The following UBR2 variants were observed in gnomAD, a reference collection of about 807,000 sequenced individuals.
UBR2 encodes E3 ubiquitin-protein ligase UBR2.
Under a neutral mutation model 247.9 loss-of-function variants are expected in UBR2, and 92 were observed. The ratio of observed to expected loss-of-function variants is 0.37; its 90% CI spans 0.31 to 0.44. The LOEUF (loss-of-function observed/expected upper bound fraction) is 0.44, where lower values mean the gene tolerates loss of function less well. UBR2 is among the 20% of genes least tolerant of loss of function. UBR2 has a pLI of 1.00. For synonymous variants in UBR2, 672 were observed against 693.5 expected (o/e 0.97, Z 0.49); for missense variants, 1,613 against 2,112.6 (o/e 0.76, Z 4.64).
At position 42,673,895 on chromosome 6, in the gene UBR2, T is replaced by C. The variant is rs746149302; in HGVS notation, c.4183+8T>C. 3 of 1,597,728 alleles carry C rather than the reference T, an allele frequency of 1.9e-6. No individual in the cohort carries two copies. Among genetic ancestry groups the C allele is most frequent in the Non-Finnish European group, 2.6e-6 (3 of 1,167,256 alleles). ...TTTGTAAACTTTTTGCATGTGAGTA[T>C]TAATACATTTATAACATGTTGTAAT... On this transcript the variant is annotated splice_region_variant and intron_variant, in intron 37 of 46. Coordinates refer to ENST00000372901, the MANE Select transcript of UBR2 (RefSeq NM_001363705.2).
intron 2 of UBR2, among the ~76,000 whole-genome samples, chr6:42,588,766 C>T (rs529768549): frequency 6.6e-6 from 1 of 152,316 alleles, no homozygotes; most frequent in East Asian, 1.9e-4. Context: ...AGTCTGAAAG[C>T]TCCAGCCCTC....
chr6:42,596,298 A>G (rs1792971377), intron 4 of UBR2, among the ~76,000 whole-genome samples: 1 of 151,822 alleles, frequency 6.6e-6, no homozygotes, highest in African/African-American at 2.4e-5. Flanking sequence ...AATCAAAACC[A>G]CAGTGAGATA....
At chr6:42,638,553 G>A (rs1021822475) in intron 15 of UBR2, among the ~76,000 whole-genome samples, 2 of 152,068 alleles carry the variant, frequency 1.3e-5, no homozygotes, top group African/African-American at 4.8e-5. Flanking sequence ...ATCGTAAGAA[G>A]AAATCTCTCT....
chr6:42,622,495 A>G (rs2151944709), intron 11 of UBR2, among the ~76,000 whole-genome samples: 1 of 149,134 alleles, frequency 6.7e-6, no homozygotes, highest in Middle Eastern at 3.5e-3. Flanking sequence ...TCCGCCTCCT[A>G]GGTTAAAGTG....
chr6:42,577,964 G>T (rs1791630873), intron 2 of UBR2, among the ~76,000 whole-genome samples: 2 of 151,764 alleles, frequency 1.3e-5, no homozygotes, highest in African/African-American at 2.4e-5. Flanking sequence ...CATATTTATG[G>T]GGTATATGTA....
intron 11 of UBR2, among the ~76,000 whole-genome samples, chr6:42,631,860 TTATATATATATATA>T (rs59218885): frequency 9.8e-5 from 6 of 61,508 alleles, no homozygotes; most frequent in African/African-American, 2.5e-4. Context: ...TACTCTGATT[TTATATATATATATA>T]TATATATATA....
Position 42,615,983 on chromosome 6 carries a change from C to T in UBR2, c.1094-19C>T, listed in dbSNP as rs748307516. On this transcript the variant is annotated intron_variant, in intron 9 of 46. Coordinates refer to ENST00000372901, the MANE Select transcript of UBR2 (RefSeq NM_001363705.2). ...TGTTGGGCGTGTCCTTATCTTATACCGTGATCTTTTTCTACAAGGTGCTAG... is the reference window on the plus strand; with the variant it reads ...TGTTGGGCGTGTCCTTATCTTATACTGTGATCTTTTTCTACAAGGTGCTAG... 22 of 1,542,468 alleles carry T rather than the reference C, an allele frequency of 1.4e-5. No individual in the cohort carries two copies. The Admixed American group carries it at 2.3e-4, about 16-fold the overall frequency.
intron 16 of UBR2, among the ~76,000 whole-genome samples, chr6:42,641,347 C>T (rs751277968): frequency 3.3e-5 from 5 of 151,962 alleles, no homozygotes; most frequent in Non-Finnish European, 7.4e-5. Flanking sequence ...GCCTGTACTC[C>T]CAGCTACTCG....
At position 42,689,946 on chromosome 6, in the gene UBR2, G is replaced by A. The variant is rs1242073648; in HGVS notation, c.5126+276G>A. On this transcript the variant is annotated intron_variant, in intron 46 of 46. Transcript: ENST00000372901. This position sits in a 1 kb window ranked among gnomAD's most constrained non-coding sequence, Gnocchi z 4.0. ...AAAGAACTGTTTGAATTGCCATATAGCATCCCAGCTCAGAGCACTCCAGGG... is the reference window on the plus strand; with the variant it reads ...AAAGAACTGTTTGAATTGCCATATAACATCCCAGCTCAGAGCACTCCAGGG... Among the ~76,000 whole-genome samples, 1 of 152,136 alleles carries A rather than the reference G, an allele frequency of 6.6e-6. No individual in the cohort carries two copies. Among genetic ancestry groups the A allele is most frequent in the Non-Finnish European group, 1.5e-5 (1 of 68,024 alleles).
chr6:42,647,939 G>A lies in UBR2; in HGVS notation c.2410-179G>A, dbSNP rs372232702. Among the ~76,000 whole-genome samples the A allele has an allele frequency of 9.9e-5, 15 of 152,172 alleles. No homozygotes were observed. The East Asian group carries it at 1.3e-3, about 14-fold the overall frequency. ...CAATTTGAATAAACATCAGCTTGCC[G>A]AGTAAGTATGTCTAGTTTTGTATTA... On this transcript the variant is annotated intron_variant, in intron 21 of 46. Transcript: ENST00000372901.
chr6:42,637,510 A>G (rs544099020), intron 15 of UBR2, among the ~76,000 whole-genome samples: 65 of 19,616 alleles, frequency 3.3e-3, no homozygotes, highest in Admixed American at 0.028. Context: ...AGACAACTAC[A>G]GATACCACGT....
chr6:42,656,144 G>C (rs1797428089), intron 26 of UBR2, among the ~76,000 whole-genome samples: 1 of 152,028 alleles, frequency 6.6e-6, no homozygotes, highest in South Asian at 2.1e-4. Context: ...AGATTCAGTA[G>C]TTTGCTATAT....
At chr6:42,671,326 C>T (rs1414531386) in intron 36 of UBR2, among the ~76,000 whole-genome samples, 1 of 151,744 alleles carries the variant, frequency 6.6e-6, no homozygotes, top group African/African-American at 2.4e-5. Context: ...GGGAAGATCA[C>T]TGGAGCTGGG....
intron 11 of UBR2, among the ~76,000 whole-genome samples, chr6:42,618,490 AT>A (rs1794698869): frequency 6.6e-6 from 1 of 152,214 alleles, no homozygotes; most frequent in African/African-American, 2.4e-5. Flanking sequence ...TAAAGGATAT[AT>A]TCTAATACAG....
chr6:42,671,108 C>T lies in UBR2; in HGVS notation c.4086+393C>T, dbSNP rs535905508. On this transcript the variant is annotated intron_variant, in intron 36 of 46. Coordinates refer to ENST00000372901, the MANE Select transcript of UBR2 (RefSeq NM_001363705.2). ...GCAGAGGCAAGACAATCGCTTGAAC[C>T]CGGGAGGCAGAGGTTGCGGTGAGCT... is the stretch of plus-strand genomic sequence containing the variant. Among the ~76,000 whole-genome samples the T allele has an allele frequency of 1.2e-4, 18 of 151,772 alleles. No homozygotes were observed. The South Asian group carries it at 3.8e-3, about 32-fold the overall frequency.
At chr6:42,680,454 T>C (rs1477827121) in intron 42 of UBR2, among the ~76,000 whole-genome samples, 1 of 152,222 alleles carries the variant, frequency 6.6e-6, no homozygotes, top group East Asian at 1.9e-4. Flanking sequence ...TTCTTGTTTT[T>C]GTTTTTAAGA....
intron 4 of UBR2, among the ~76,000 whole-genome samples, chr6:42,602,481 C>G (rs1582501356): frequency 1.3e-5 from 2 of 152,116 alleles, no homozygotes; most frequent in Admixed American, 6.5e-5. Flanking sequence ...GGATTACAGG[C>G]ATGAGCCACT....
chr6:42,596,199 T>G (rs886169565), intron 4 of UBR2, among the ~76,000 whole-genome samples: 2 of 149,220 alleles, frequency 1.3e-5, no homozygotes, highest in South Asian at 2.2e-4. Flanking sequence ...GCAAAAGACT[T>G]GAATAGACAT....
intron 34 of UBR2, among the ~76,000 whole-genome samples, chr6:42,669,155 C>T (rs1798289975): frequency 1.3e-5 from 2 of 152,048 alleles, no homozygotes; most frequent in African/African-American, 2.4e-5. Context: ...GAACTCCTGA[C>T]CTCAAGTGAT....
Sources: allele counts gnomAD v4.1 joint callset (sites outside exome capture counted in the v4.1 genomes callset), GRCh38; gene constraint gnomAD v4.1.1; non-coding constraint Gnocchi (gnomAD v3.1); transcripts MANE v1.5; gene names NCBI Gene and HGNC (gene_info 2026-07-23, HGNC 2026-07-21).